Variants in SNX29 observed in about 807,000 individuals in gnomAD.
SNX29 encodes sorting nexin-29.
Under a neutral mutation model 102.1 loss-of-function variants are expected in SNX29, and 78 were observed. That is an observed-to-expected ratio of 0.76 (90% CI 0.64 to 0.92). The LOEUF (loss-of-function observed/expected upper bound fraction) is 0.92, where lower values mean the gene tolerates loss of function less well. Among genes scored for constraint, SNX29 ranks in the 40% least tolerant of loss-of-function variants. The pLI is 0.00. For synonymous variants in SNX29, 580 were observed against 414.5 expected (o/e 1.40, Z -4.85); for missense variants, 1,280 against 1,061.7 (o/e 1.21, Z -2.86).
intron 1 of SNX29, among the ~76,000 whole-genome samples, chr16:11,992,139 A>C (rs1282028886): frequency 6.6e-6 from 1 of 152,064 alleles, no homozygotes; most frequent in Non-Finnish European, 1.5e-5. Context: ...TACAAAACGT[A>C]CAAAATTAGC....
At chr16:11,983,266 T>G (rs2055468251) in intron 1 of SNX29, among the ~76,000 whole-genome samples, 1 of 149,738 alleles carries the variant, frequency 6.7e-6, no homozygotes, top group African/African-American at 2.5e-5. Flanking sequence ...TTGTAGAGAT[T>G]GGGTCTTACT....
chr16:12,551,042 A>T (rs1413538569), intron 20 of SNX29, among the ~76,000 whole-genome samples: 5 of 152,178 alleles, frequency 3.3e-5, no homozygotes, highest in Non-Finnish European at 7.4e-5. Flanking sequence ...ACAAGGTGTC[A>T]TCCAGATGAA....
intron 13 of SNX29, among the ~76,000 whole-genome samples, chr16:12,196,547 G>A (rs1337365230): frequency 2.0e-5 from 3 of 152,058 alleles, no homozygotes; most frequent in South Asian, 2.1e-4. Flanking sequence ...CAAGGAAGGT[G>A]CAAACATCTC....
At chr16:12,538,360 C>G (rs1436455709) in intron 20 of SNX29, among the ~76,000 whole-genome samples, 4 of 152,132 alleles carry the variant, frequency 2.6e-5, no homozygotes, top group African/African-American at 4.8e-5. Context: ...AAAGTGCTGA[C>G]ATTACAGGCG....
intron 19 of SNX29, among the ~76,000 whole-genome samples, chr16:12,500,431 C>T (rs1489269950): frequency 6.6e-6 from 1 of 152,216 alleles, no homozygotes; most frequent in Admixed American, 6.5e-5. Context: ...AAAGCCAGGG[C>T]TGGGACTTCT....
chr16:12,556,818 C>T (rs189307670), intron 20 of SNX29, among the ~76,000 whole-genome samples: 35 of 152,030 alleles, frequency 2.3e-4, no homozygotes, highest in Admixed American at 1.6e-3. Flanking sequence ...AGTACAGAAG[C>T]CCAGAGGAGG....
At chr16:12,554,958 G>A (rs572804944) in intron 20 of SNX29, among the ~76,000 whole-genome samples, 1 of 151,844 alleles carries the variant, frequency 6.6e-6, no homozygotes, top group South Asian at 2.1e-4. Flanking sequence ...GAAAACAATG[G>A]AGGTGGTGAG....
intron 13 of SNX29, among the ~76,000 whole-genome samples, chr16:12,186,887 T>C (rs1265853984): frequency 6.6e-6 from 1 of 152,226 alleles, no homozygotes; most frequent in Non-Finnish European, 1.5e-5. Flanking sequence ...GCAAGTAGAC[T>C]TCTGGTCTCA....
rs117098987 is a variant in SNX29 at position 12,542,649 on chromosome 16, C to T, written c.2318+17808C>T. On this transcript the variant is annotated intron_variant, in intron 20 of 20. Coordinates refer to ENST00000566228, the MANE Select transcript of SNX29 (RefSeq NM_032167.5). ...ACCCAGTGTGGGTCTAACACTTAAA[C>T]TTGTGTTTGAAGGCAGCGTGTTGGG... Among the ~76,000 whole-genome samples the T allele has an allele frequency of 8.0e-3, 1,214 of 152,340 alleles. 8 individuals are homozygous for T. The highest frequency in any genetic ancestry group is 0.013 in the Non-Finnish European group (888 of 68,036).
Position 12,571,982 on chromosome 16 carries a change from A to AC in SNX29, c.*3354dup, listed in dbSNP as rs2079197481. 9.4e-7 allele frequency: 1 copy of AC among 1,061,990 alleles called. No individual in the cohort carries two copies. Among genetic ancestry groups the AC allele is most frequent in the East Asian group, 5.1e-5 (1 of 19,690 alleles). The allele number at this position is 1,061,990 out of a possible 1,614,324, so 65.8% of individuals were successfully genotyped here. ...ACAGTCTATGGTGGTAGCCATCTTC[A>AC]CATCCAGTCACCAGTTGCATCTAGG... On this transcript the variant is annotated 3_prime_UTR_variant, in exon 21 of 21. Transcript: ENST00000566228.
intron 18 of SNX29, among the ~76,000 whole-genome samples, chr16:12,457,338 C>T (rs577210096): frequency 9.9e-5 from 15 of 152,250 alleles, no homozygotes; most frequent in East Asian, 1.9e-4. Flanking sequence ...GTGGTGGAGT[C>T]GGGGGTTAAT....
At chr16:12,223,333 G>T (rs978557090) in intron 14 of SNX29, among the ~76,000 whole-genome samples, 1 of 152,074 alleles carries the variant, frequency 6.6e-6, no homozygotes, top group South Asian at 2.1e-4. Context: ...TGAGACCATC[G>T]TGGCCAACAT....
intron 5 of SNX29, among the ~76,000 whole-genome samples, chr16:12,044,497 C>T (rs1596678535): frequency 6.6e-6 from 1 of 152,178 alleles, no homozygotes; most frequent in Non-Finnish European, 1.5e-5. Flanking sequence ...GTGTACTGCT[C>T]ACGGTCAGAG....
At chr16:12,201,447 G>C (rs1357698216) in intron 14 of SNX29, among the ~76,000 whole-genome samples, 2 of 152,176 alleles carry the variant, frequency 1.3e-5, no homozygotes, top group African/African-American at 4.8e-5. Context: ...TGATGAGTAG[G>C]TATTTTTCTG....
intron 18 of SNX29, among the ~76,000 whole-genome samples, chr16:12,460,887 G>T (rs986633578): frequency 6.6e-6 from 1 of 152,102 alleles, no homozygotes; most frequent in Non-Finnish European, 1.5e-5. Flanking sequence ...TCGAACGCCT[G>T]ACCTCAGCCT....
intron 14 of SNX29, among the ~76,000 whole-genome samples, chr16:12,223,523 G>GT (rs1257213167): frequency 1.3e-5 from 2 of 152,180 alleles, no homozygotes; most frequent in Non-Finnish European, 2.9e-5. Context: ...TTAGCAGGGC[G>GT]TGGGGGCATG....
At chr16:12,247,852 G>A (rs2078304472) in intron 14 of SNX29, among the ~76,000 whole-genome samples, 1 of 152,194 alleles carries the variant, frequency 6.6e-6, no homozygotes, top group African/African-American at 2.4e-5. Flanking sequence ...GTCCAACCCT[G>A]CAGTTGTACA....
At chr16:12,269,699 C>T (rs754462642) in intron 14 of SNX29, among the ~76,000 whole-genome samples, 1 of 152,158 alleles carries the variant, frequency 6.6e-6, no homozygotes, top group Non-Finnish European at 1.5e-5. Context: ...GATTGCATTG[C>T]TAACCAATGT....
At chr16:12,206,456 A>G (rs966649849) in intron 14 of SNX29, among the ~76,000 whole-genome samples, 5 of 150,022 alleles carry the variant, frequency 3.3e-5, no homozygotes, top group Non-Finnish European at 7.4e-5. Context: ...TCCTCCTTCT[A>G]TGTCTGATTT....
Sources: gnomAD v4.1 joint callset for allele counts (sites outside exome capture counted in the v4.1 genomes callset) on GRCh38, gnomAD v4.1.1 for gene constraint, MANE v1.5 for transcripts, NCBI Gene and HGNC (gene_info 2026-07-23, HGNC 2026-07-21) for gene names.